Variants in ATG2B observed in about 807,000 individuals in gnomAD.
The protein encoded by ATG2B is autophagy-related protein 2 homolog B.
Under a neutral mutation model 241.3 loss-of-function variants are expected in ATG2B, and 121 were observed. The ratio of observed to expected loss-of-function variants is 0.50; its 90% CI spans 0.43 to 0.58. The LOEUF (loss-of-function observed/expected upper bound fraction) is 0.58. Among genes scored for constraint, ATG2B ranks in the 20% least tolerant of loss-of-function variants. ATG2B has a pLI of 0.00. For synonymous variants in ATG2B, 858 were observed against 876.6 expected (o/e 0.98, Z 0.37); for missense variants, 2,306 against 2,491.6 (o/e 0.93, Z 1.59).
In ATG2B at chr14:96,328,371, A is replaced by C. The variant is rs769966238; in HGVS notation, c.2139T>G (p.Thr713=). 3 of 1,609,084 alleles carry C rather than the reference A, an allele frequency of 1.9e-6. No homozygotes were observed. In the South Asian group the frequency reaches 3.3e-5, roughly 18 times the overall value. Residue 713 remains threonine (T), a synonymous_variant, in exon 14 of 42, where the codon ACT becomes ACG. Coordinates refer to ENST00000359933, the MANE Select transcript of ATG2B (RefSeq NM_018036.7). Reference sequence around the variant, plus strand: ...CCAGACTAATATGTTTATTATATGAAGTATACATGTGGGATGCCATCATCT... The same window carrying C: ...CCAGACTAATATGTTTATTATATGACGTATACATGTGGGATGCCATCATCT... ...TVEMMASHMY[T]SYNKHISLHK... is the part of the protein sequence containing the mutation.
Position 96,363,252 on chromosome 14 carries a change from G to A in ATG2B, c.-276C>T, listed in dbSNP as rs976665499. On this transcript the variant is annotated 5_prime_UTR_variant, in exon 1 of 42. Transcript: ENST00000359933. Reference sequence around the variant, plus strand: ...CGGCTCGGAGAGAGTGCAAGAGAGCGCGAGAGGAGGCGGCAGGGGCTGAGG... The same window carrying A: ...CGGCTCGGAGAGAGTGCAAGAGAGCACGAGAGGAGGCGGCAGGGGCTGAGG... The A allele has an allele frequency of 2.7e-6, 1 of 372,412 alleles. No individual in the cohort carries two copies. 23.1% of individuals were successfully genotyped at this position (372,412 alleles called of 1,614,324 possible). A position where few individuals can be genotyped will look rare whatever the true frequency, so the allele number is the denominator to read the frequency against.
At chr14:96,295,727 CCACA>C (rs59902412) in intron 34 of ATG2B, among the ~76,000 whole-genome samples, 167 bp from the exon 35 acceptor site, 11 of 145,860 alleles carry the variant, frequency 7.5e-5, no homozygotes, top group African/African-American at 2.0e-4. Flanking sequence ...CTTCCCCCCA[CCACA>C]CACACACACA....
chr14:96,316,465 TTTTC>T (rs1451270427), intron 21 of ATG2B, 64 bp downstream of exon 21: 3 of 1,490,298 alleles, frequency 2.0e-6, no homozygotes, highest in Non-Finnish European at 2.7e-6. Flanking sequence ...TCTCAATAGA[TTTTC>T]TTTGTTAAAC....
intron 32 of ATG2B, among the ~76,000 whole-genome samples, chr14:96,303,555 TTTTA>T (rs1439079786): frequency 6.6e-6 from 1 of 152,218 alleles, no homozygotes; most frequent in Non-Finnish European, 1.5e-5. Flanking sequence ...TCCATATAAC[TTTTA>T]TTTTAGTATA....
In ATG2B at chr14:96,343,130, T is replaced by C. The variant is rs764498194; in HGVS notation, c.733A>G (p.Thr245Ala). 1.3e-5 allele frequency: 20 copies of C among 1,587,536 alleles called. No homozygotes were observed. Among genetic ancestry groups the C allele is most frequent in the Admixed American group, 5.5e-5 (3 of 54,766 alleles). The change falls in exon 5 of 42, where the codon ACT (threonine) becomes GCT (alanine). Residue 245 changes from threonine (T) to alanine (A), a missense_variant. By Grantham distance (58) the Thr-to-Ala change is moderately conservative (BLOSUM62 0). Around this residue, in one of 2 missense-constraint regions of ATG2B, gnomAD observed 1,927 missense variants for 2,011.2 expected, o/e 0.96. Coordinates refer to ENST00000359933, the MANE Select transcript of ATG2B (RefSeq NM_018036.7). ...ASAKSSPVCSTAPVETEPKLS... is the reference protein window; with the variant it reads ...ASAKSSPVCSAAPVETEPKLS... ...TTGTTTTTTCTTACCACTGGTGCAG[T>C]TGAACACACTGGGGAAGATTTGGCT...
chr14:96,322,029 G>GAAAGGA, intron 18 of ATG2B, 83 bp downstream of exon 18: 1 of 1,034,018 alleles, frequency 9.7e-7, no homozygotes, highest in Non-Finnish European at 1.4e-6. Context: ...TTCAGGCAAG[G>GAAAGGA]AAAGGAAAGG....
chr14:96,359,483 C>T (rs746908311), intron 1 of ATG2B, among the ~76,000 whole-genome samples: 1 of 152,182 alleles, frequency 6.6e-6, no homozygotes, highest in East Asian at 1.9e-4. Context: ...CTATATCCCC[C>T]AGCCCCTCAC....
chr14:96,352,651 G>A (rs368471267), intron 1 of ATG2B, among the ~76,000 whole-genome samples: 7 of 151,166 alleles, frequency 4.6e-5, no homozygotes, highest in African/African-American at 1.7e-4. Flanking sequence ...AATGCTTATA[G>A]CATAAGAATA....
chr14:96,325,086 A>T (rs1243069892), intron 15 of ATG2B, among the ~76,000 whole-genome samples: 2 of 152,216 alleles, frequency 1.3e-5, no homozygotes, highest in South Asian at 2.1e-4. Flanking sequence ...TACAAATAAA[A>T]GTCACTAGCG....
In ATG2B at chr14:96,332,546, A is replaced by G. The variant is rs752101461; in HGVS notation, c.1317T>C (p.Ser439=). The G allele has an allele frequency of 2.5e-6, 4 of 1,611,610 alleles. No individual in the cohort carries two copies. The highest frequency in any genetic ancestry group is 3.4e-6 in the Non-Finnish European group (4 of 1,179,052). The part of the protein sequence containing the change: ...PNMDLELSLT[S]TYTNTPAGSP... ...ATCCTGCTGGGGTATTTGTATATGT[A>G]CTAGTTAATGATAACTCAAGGTCCA... is the stretch of plus-strand genomic sequence containing the variant. Residue 439 remains serine, a synonymous_variant, in exon 9 of 42, where the codon AGT becomes AGC. Coordinates refer to ENST00000359933, the MANE Select transcript of ATG2B (RefSeq NM_018036.7).
At chr14:96,308,233 TATATATATATATATATATAC>T (rs1321716721) in intron 29 of ATG2B, among the ~76,000 whole-genome samples, 1 of 14,368 alleles carries the variant, frequency 7.0e-5, no homozygotes, top group Non-Finnish European at 1.8e-4. Flanking sequence ...TATATATACA[TATATATATATATATATATAC>T]ACACATATAT....
intron 21 of ATG2B, 130 bp downstream of exon 21, chr14:96,316,403 C>T (rs1301285588): frequency 4.5e-6 from 4 of 885,752 alleles, no homozygotes; most frequent in African/African-American, 1.7e-5. Flanking sequence ...ATTACTTTGA[C>T]AGCAGAATGA....
intron 14 of ATG2B, among the ~76,000 whole-genome samples, chr14:96,326,849 C>A (rs1290918939): frequency 6.6e-6 from 1 of 152,150 alleles, no homozygotes; most frequent in Non-Finnish European, 1.5e-5. Context: ...TGCAAGCCAC[C>A]ACACCCATCC....
rs1423568088 is a variant in ATG2B, at chr14:96,283,132, CCT to C, written c.*2621_*2622del. The C allele has an allele frequency of 6.6e-6, 1 of 152,186 alleles. No individual in the cohort carries two copies. Among genetic ancestry groups the C allele is most frequent in the Non-Finnish European group, 1.5e-5 (1 of 68,080 alleles). 9.4% of individuals were successfully genotyped at this position (152,186 alleles called of 1,614,324 possible). ...GAAGACACGGTTGTGGCCTCAGCTG[CCT>C]CTCTACTCGTCATGTAAGGGGGTCT... On this transcript the variant is annotated 3_prime_UTR_variant, in exon 42 of 42. Transcript: ENST00000359933.
chr14:96,282,756 A>T lies in ATG2B; in HGVS notation c.*2999T>A, dbSNP rs1327851202. On this transcript the variant is annotated 3_prime_UTR_variant, in exon 42 of 42. Coordinates refer to ENST00000359933, the MANE Select transcript of ATG2B (RefSeq NM_018036.7). ...AAATGAACAAAGACACTAAACCTACAGAACATCGTTTTTAAAGGAGATAGT... is the reference window on the plus strand; with the variant it reads ...AAATGAACAAAGACACTAAACCTACTGAACATCGTTTTTAAAGGAGATAGT... 1 of 152,272 alleles carries T rather than the reference A, an allele frequency of 6.6e-6. No homozygotes were observed. The highest frequency in any genetic ancestry group is 6.5e-5 in the Admixed American group (1 of 15,292). 9.4% of individuals were successfully genotyped at this position (152,272 alleles called of 1,614,324 possible).
At position 96,308,279 on chromosome 14, in the gene ATG2B, TA is replaced by T. The variant is rs1279044164; in HGVS notation, c.4303+1173del. 1.1e-3 allele frequency among the ~76,000 whole-genome samples: 47 copies of T among 41,716 alleles called. 2 individuals are homozygous for T. In the South Asian group the frequency reaches 0.033, roughly 30 times the overall value. 27.4% of individuals were successfully genotyped at this position (41,716 alleles called of 152,430 possible). On this transcript the variant is annotated intron_variant, in intron 29 of 41. Transcript: ENST00000359933. ...ACACATATATATATATATATATATA[TA>T]TATTTTTTTTTTTTTTTTTTTTGAG...
At position 96,304,605 on chromosome 14, in the gene ATG2B, TA is replaced by T; in HGVS notation, c.4734-3del. The T allele has an allele frequency of 7.7e-7, 1 of 1,306,360 alleles. No homozygotes were observed. Among genetic ancestry groups the T allele is most frequent in the Non-Finnish European group, 1.0e-6 (1 of 972,420 alleles). 80.9% of individuals were successfully genotyped at this position (1,306,360 alleles called of 1,614,324 possible). ...TGAGAAGGCGAACTGTGGGGACTAC[TA>T]AAAATGAGCAAAAAAAAAAAAAACC... is the stretch of plus-strand genomic sequence containing the variant. On this transcript the variant is annotated splice_polypyrimidine_tract_variant and splice_region_variant and intron_variant, in intron 31 of 41. Transcript: ENST00000359933.
At position 96,292,044 on chromosome 14, in the gene ATG2B, A is replaced by G. The variant is rs768676013; in HGVS notation, c.5481T>C (p.His1827=). 1 of 1,598,228 alleles carries G rather than the reference A, an allele frequency of 6.3e-7. No individual in the cohort carries two copies. Among genetic ancestry groups the G allele is most frequent in the Middle Eastern group, 1.7e-4 (1 of 6,010 alleles). The part of the protein sequence containing the change: ...VPIRLDYHGK[H]VSMDQGTLAG... ...GTTTCCCAACCTGATCCATTGATAC[A>G]TGTTTGCCATGATAATCAAGTCGAA... Residue 1827 remains histidine (H), a synonymous_variant, in exon 37 of 42, where the codon CAT becomes CAC. Transcript: ENST00000359933.
chr14:96,305,542 A>G (rs1252893424), intron 31 of ATG2B, 47 bp downstream of exon 31: 1 of 1,288,726 alleles, frequency 7.8e-7, no homozygotes, highest in East Asian at 2.5e-5. Flanking sequence ...TTTCTAAGAA[A>G]AGAATATATT....
Sources: allele counts gnomAD v4.1 joint callset (sites outside exome capture counted in the v4.1 genomes callset), GRCh38; gene constraint gnomAD v4.1.1; regional missense constraint gnomAD v4.1.1; transcripts MANE v1.5; gene names NCBI Gene and HGNC (gene_info 2026-07-23, HGNC 2026-07-21).